Variants in PABPC1L2B observed in about 807,000 individuals in gnomAD.
PABPC1L2B encodes poly(A) binding protein cytoplasmic 1 like 2B.
For missense variants in PABPC1L2B, 5 were observed against 16.4 expected, an observed-to-expected ratio of 0.30 and a Z score of 1.20; for synonymous variants, 7 against 7.1, an observed-to-expected ratio of 0.99 and a Z score of 0.02.
In PABPC1L2B at chrX:73,005,280, CGTGTGTGCATGCGTGT is replaced by C. The variant is rs1313586897; in HGVS notation, c.*1042_*1057del. 1.6e-5 allele frequency: 2 copies of C among 121,909 alleles called. No homozygotes were observed. The highest frequency in any genetic ancestry group is 9.7e-5 in the Admixed American group (1 of 10,341). The allele number at this position is 121,909 out of a possible 1,213,427, so 10.0% of individuals were successfully genotyped here. A position where few individuals can be genotyped will look rare whatever the true frequency, so the allele number is the denominator to read the frequency against. ...AATTGATCGTGTGTGTGCGTGCGTG[CGTGTGTGCATGCGTGT>C]GTGTGTCTTTGTGTGTGTGTCTTGG... On this transcript the variant is annotated 3_prime_UTR_variant, in exon 1 of 1. Transcript: ENST00000373521.
At position 73,003,731 on chromosome X, in the gene PABPC1L2B, CCA is replaced by C; in HGVS notation, c.90_91del (p.Ile31ProfsTer35). 1 of 250,513 alleles carries C rather than the reference CCA, an allele frequency of 4.0e-6. No homozygotes were observed. The highest frequency in any genetic ancestry group is 5.8e-6 in the Non-Finnish European group (1 of 171,267). 20.6% of individuals were successfully genotyped at this position (250,513 alleles called of 1,213,427 possible). On this transcript the variant is annotated frameshift_variant, in exon 1 of 1. Coordinates refer to ENST00000373521, the MANE Select transcript of PABPC1L2B (RefSeq NM_001042506.2). LOFTEE classifies it high-confidence loss of function. ...TTCAGTCCAGCTGGGCCCATCCTCT[CCA>C]TCCGCATCTGCAGGGACAAGATCAC... is the stretch of plus-strand genomic sequence containing the variant.
rs1455183238 is a variant in PABPC1L2B at position 73,005,289 on chromosome X, A to C, written c.*1044A>C. On this transcript the variant is annotated 3_prime_UTR_variant, in exon 1 of 1. Coordinates refer to ENST00000373521, the MANE Select transcript of PABPC1L2B (RefSeq NM_001042506.2). ...TGTGTGTGCGTGCGTGCGTGTGTGC[A>C]TGCGTGTGTGTGTCTTTGTGTGTGT... is the stretch of plus-strand genomic sequence containing the variant. 4 of 122,048 alleles carry C rather than the reference A, an allele frequency of 3.3e-5. No homozygotes were observed. Among genetic ancestry groups the C allele is most frequent in the Middle Eastern group, 4.6e-3 (1 of 219 alleles). 10.1% of individuals were successfully genotyped at this position (122,048 alleles called of 1,213,427 possible).
chrX:73,005,600 A>T lies in PABPC1L2B; in HGVS notation c.*1355A>T, dbSNP rs1336803684. On this transcript the variant is annotated 3_prime_UTR_variant, in exon 1 of 1. Transcript: ENST00000373521. ...TATTTTTCATGTGATATATATGTGA[A>T]ATTATTGTATATACTGTTTCAATAT... The T allele has an allele frequency of 8.1e-6, 1 of 123,060 alleles. No individual in the cohort carries two copies. Among genetic ancestry groups the T allele is most frequent in the Admixed American group, 9.6e-5 (1 of 10,470 alleles). The allele number at this position is 123,060 out of a possible 1,213,427, so 10.1% of individuals were successfully genotyped here.
rs2055184501 is a variant in PABPC1L2B, at chrX:73,005,584, T to G, written c.*1339T>G. ...ATCTGTATCTGCCCTGTATTTTTCA[T>G]GTGATATATATGTGAAATTATTGTA... On this transcript the variant is annotated 3_prime_UTR_variant, in exon 1 of 1. Transcript: ENST00000373521. The G allele has an allele frequency of 8.1e-6, 1 of 123,243 alleles. No individual in the cohort carries two copies. The highest frequency in any genetic ancestry group is 9.5e-5 in the Admixed American group (1 of 10,525). 10.2% of individuals were successfully genotyped at this position (123,243 alleles called of 1,213,427 possible). A position where few individuals can be genotyped will look rare whatever the true frequency, so the allele number is the denominator to read the frequency against.
chrX:73,005,806 GT>G lies in PABPC1L2B; in HGVS notation c.*1565del, dbSNP rs1294224805. The G allele has an allele frequency of 4.1e-5, 5 of 120,549 alleles. No individual in the cohort carries two copies. Among genetic ancestry groups the G allele is most frequent in the Non-Finnish European group, 9.4e-5 (5 of 53,193 alleles). The allele number at this position is 120,549 out of a possible 1,213,427, so 9.9% of individuals were successfully genotyped here. A position where few individuals can be genotyped will look rare whatever the true frequency, so the allele number is the denominator to read the frequency against. On this transcript the variant is annotated 3_prime_UTR_variant, in exon 1 of 1. Transcript: ENST00000373521. ...TAGATATAGATATAGGGATATATTT[GT>G]TTTAAGTAGTTATTGGACGTCTGGG...
rs1264110170 is a variant in PABPC1L2B, at chrX:73,003,538, AAGGTGGCGGCCGAGGTGGCGGCCG to A, written c.-94_-71del. 1.3e-6 allele frequency: 1 copy of A among 751,820 alleles called. No homozygotes were observed. Among genetic ancestry groups the A allele is most frequent in the African/African-American group, 7.8e-5 (1 of 12,741 alleles). The allele number at this position is 751,820 out of a possible 1,213,427, so 62.0% of individuals were successfully genotyped here. A position where few individuals can be genotyped will look rare whatever the true frequency, so the allele number is the denominator to read the frequency against. On this transcript the variant is annotated 5_prime_UTR_variant, in exon 1 of 1. Transcript: ENST00000373521. The stretch of plus-strand genomic sequence containing the variant: ...GGATGCGGATGCGGATGCGAATGCG[AAGGTGGCGGCCGAGGTGGCGGCCG>A]AGGTGGCGGCTGCGGCGGCCGCCGC...
In PABPC1L2B at chrX:73,005,760, G is replaced by C. The variant is rs1300424725; in HGVS notation, c.*1515G>C. ...CTAATATGTGATTGGGCTTCATAGAGTGATAGATATATATACATATTAGAT... is the reference window on the plus strand; with the variant it reads ...CTAATATGTGATTGGGCTTCATAGACTGATAGATATATATACATATTAGAT... On this transcript the variant is annotated 3_prime_UTR_variant, in exon 1 of 1. Coordinates refer to ENST00000373521, the MANE Select transcript of PABPC1L2B (RefSeq NM_001042506.2). 2 of 122,141 alleles carry C rather than the reference G, an allele frequency of 1.6e-5. No individual in the cohort carries two copies. The highest frequency in any genetic ancestry group is 3.8e-5 in the Non-Finnish European group (2 of 53,093). The allele number at this position is 122,141 out of a possible 1,213,427, so 10.1% of individuals were successfully genotyped here.
chrX:73,005,832 G>T lies in PABPC1L2B; in HGVS notation c.*1587G>T. ...TTTTAAGTAGTTATTGGACGTCTGG[G>T]TTGTTTCATTTTGTTTTCTTATGCA... On this transcript the variant is annotated 3_prime_UTR_variant, in exon 1 of 1. Coordinates refer to ENST00000373521, the MANE Select transcript of PABPC1L2B (RefSeq NM_001042506.2). 1 of 120,532 alleles carries T rather than the reference G, an allele frequency of 8.3e-6. No homozygotes were observed. The allele number at this position is 120,532 out of a possible 1,213,427, so 9.9% of individuals were successfully genotyped here. A position where few individuals can be genotyped will look rare whatever the true frequency, so the allele number is the denominator to read the frequency against.
Position 73,004,560 on chromosome X carries a change from TTC to T in PABPC1L2B, c.*321_*322del, listed in dbSNP as rs2055177626. The T allele has an allele frequency of 9.7e-6, 4 of 413,443 alleles. No individual in the cohort carries two copies. Among genetic ancestry groups the T allele is most frequent in the East Asian group, 9.2e-5 (2 of 21,812 alleles). 34.1% of individuals were successfully genotyped at this position (413,443 alleles called of 1,213,427 possible). A position where few individuals can be genotyped will look rare whatever the true frequency, so the allele number is the denominator to read the frequency against. ...TGGTTTGGTTTAAAAAGCATTTTCA[TTC>T]TCTCTTTGTTTACTGCACAGGTGGT... On this transcript the variant is annotated 3_prime_UTR_variant, in exon 1 of 1. Coordinates refer to ENST00000373521, the MANE Select transcript of PABPC1L2B (RefSeq NM_001042506.2).
Position 73,003,587 on chromosome X carries a change from C to G in PABPC1L2B, c.-56C>G. The G allele has an allele frequency of 3.2e-6, 1 of 310,577 alleles. No homozygotes were observed. Among genetic ancestry groups the G allele is most frequent in the Non-Finnish European group, 4.8e-6 (1 of 209,098 alleles). 25.6% of individuals were successfully genotyped at this position (310,577 alleles called of 1,213,427 possible). ...GAGGTGGCGGCTGCGGCGGCCGCCG[C>G]GGATGCAGATGCGGATGAGACCCTC... is the stretch of plus-strand genomic sequence containing the variant. On this transcript the variant is annotated 5_prime_UTR_variant, in exon 1 of 1. Transcript: ENST00000373521.
rs2147907515 is a variant in PABPC1L2B, at chrX:73,005,725, GT to G, written c.*1483del. The G allele has an allele frequency of 8.2e-6, 1 of 122,656 alleles. No individual in the cohort carries two copies. Among genetic ancestry groups the G allele is most frequent in the Non-Finnish European group, 1.9e-5 (1 of 53,171 alleles). The allele number at this position is 122,656 out of a possible 1,213,427, so 10.1% of individuals were successfully genotyped here. The stretch of plus-strand genomic sequence containing the variant: ...TTCTTCTAAAATAGTTTTCATGGAT[GT>G]TTAGTGCTCTAATATGTGATTGGGC... On this transcript the variant is annotated 3_prime_UTR_variant, in exon 1 of 1. Transcript: ENST00000373521.
At position 73,006,029 on chromosome X, in the gene PABPC1L2B, A is replaced by G. The variant is rs1469476061; in HGVS notation, c.*1784A>G. ...AAAGATAGTACCAATTTACCCTCAT[A>G]AAATATGCAGATATTGTGAGTGTAC... On this transcript the variant is annotated 3_prime_UTR_variant, in exon 1 of 1. Transcript: ENST00000373521. 1.8e-5 allele frequency among the ~76,000 whole-genome samples: 2 copies of G among 111,907 alleles called. No individual in the cohort carries two copies. The highest frequency in any genetic ancestry group is 3.8e-5 in the Non-Finnish European group (2 of 53,131).
chrX:73,003,509 A>ATGCGGC lies in PABPC1L2B; in HGVS notation c.-129_-128insCTGCGG. The ATGCGGC allele has an allele frequency of 2.6e-6, 2 of 784,253 alleles. No homozygotes were observed. Among genetic ancestry groups the ATGCGGC allele is most frequent in the South Asian group, 6.5e-5 (2 of 30,581 alleles). The allele number at this position is 784,253 out of a possible 1,213,427, so 64.6% of individuals were successfully genotyped here. ...CCCCCCTTGGGGGAGGCGGAGGCGG[A>ATGCGGC]TGCGGATGCGGATGCGGATGCGAAT... On this transcript the variant is annotated 5_prime_UTR_variant, in exon 1 of 1. Coordinates refer to ENST00000373521, the MANE Select transcript of PABPC1L2B (RefSeq NM_001042506.2).
At position 73,005,255 on chromosome X, in the gene PABPC1L2B, A is replaced by G. The variant is rs1469386329; in HGVS notation, c.*1010A>G. Reference sequence around the variant, plus strand: ...CCCTGCATAGCCTCCTGGTCACTGTAATTGATCGTGTGTGTGCGTGCGTGC... The same window carrying G: ...CCCTGCATAGCCTCCTGGTCACTGTGATTGATCGTGTGTGTGCGTGCGTGC... On this transcript the variant is annotated 3_prime_UTR_variant, in exon 1 of 1. Transcript: ENST00000373521. The G allele has an allele frequency of 2.5e-5, 3 of 121,517 alleles. No homozygotes were observed. The highest frequency in any genetic ancestry group is 1.0e-4 in the African/African-American group (3 of 30,131). 10.0% of individuals were successfully genotyped at this position (121,517 alleles called of 1,213,427 possible).
At position 73,005,392 on chromosome X, in the gene PABPC1L2B, A is replaced by T. The variant is rs1326792072; in HGVS notation, c.*1147A>T. The T allele has an allele frequency of 8.2e-6, 1 of 121,310 alleles. No individual in the cohort carries two copies. Among genetic ancestry groups the T allele is most frequent in the African/African-American group, 3.3e-5 (1 of 30,136 alleles). The allele number at this position is 121,310 out of a possible 1,213,427, so 10.0% of individuals were successfully genotyped here. ...TTGCTGCAATCAAACACTGTTTATT[A>T]CCCCCTTCCCCTGTGCCCACTTCCT... On this transcript the variant is annotated 3_prime_UTR_variant, in exon 1 of 1. Coordinates refer to ENST00000373521, the MANE Select transcript of PABPC1L2B (RefSeq NM_001042506.2).
At position 73,005,391 on chromosome X, in the gene PABPC1L2B, T is replaced by G. The variant is rs139776847; in HGVS notation, c.*1146T>G. On this transcript the variant is annotated 3_prime_UTR_variant, in exon 1 of 1. Coordinates refer to ENST00000373521, the MANE Select transcript of PABPC1L2B (RefSeq NM_001042506.2). ...TTTGCTGCAATCAAACACTGTTTAT[T>G]ACCCCCTTCCCCTGTGCCCACTTCC... The G allele has an allele frequency of 5.4e-3, 665 of 122,691 alleles. 15 individuals are homozygous for G. In the East Asian group the frequency reaches 0.059, roughly 11 times the overall value. 10.1% of individuals were successfully genotyped at this position (122,691 alleles called of 1,213,427 possible).
rs781873798 is a variant in PABPC1L2B at position 73,005,892 on chromosome X, C to G, written c.*1647C>G. Reference sequence around the variant, plus strand: ...TGCCAACAAGATCACAGTGCACAAACATTACATTCATGTTTATTTCCTGAA... The same window carrying G: ...TGCCAACAAGATCACAGTGCACAAAGATTACATTCATGTTTATTTCCTGAA... On this transcript the variant is annotated 3_prime_UTR_variant, in exon 1 of 1. Transcript: ENST00000373521. Among the ~76,000 whole-genome samples, 11 of 111,780 alleles carry G rather than the reference C, an allele frequency of 9.8e-5. No homozygotes were observed. The highest frequency in any genetic ancestry group is 1.7e-4 in the Non-Finnish European group (9 of 53,150).
rs2055183945 is a variant in PABPC1L2B, at chrX:73,005,515, G to A, written c.*1270G>A. 2.4e-5 allele frequency: 3 copies of A among 122,960 alleles called. No homozygotes were observed. The Admixed American group carries it at 2.9e-4, about 12-fold the overall frequency. The allele number at this position is 122,960 out of a possible 1,213,427, so 10.1% of individuals were successfully genotyped here. A position where few individuals can be genotyped will look rare whatever the true frequency, so the allele number is the denominator to read the frequency against. ...TAACAGAAGAAAATTAATGTCACCA[G>A]TAATCATTTCTGATGATTACTTATA... On this transcript the variant is annotated 3_prime_UTR_variant, in exon 1 of 1. Transcript: ENST00000373521.
Position 73,004,908 on chromosome X carries a change from C to T in PABPC1L2B, c.*663C>T, listed in dbSNP as rs1556364396. 8.0e-5 allele frequency: 1 copy of T among 12,468 alleles called. No homozygotes were observed. The highest frequency in any genetic ancestry group is 1.6e-4 in the Non-Finnish European group (1 of 6,199). The allele number at this position is 12,468 out of a possible 1,213,427, so 1.0% of individuals were successfully genotyped here. A position where few individuals can be genotyped will look rare whatever the true frequency, so the allele number is the denominator to read the frequency against. On this transcript the variant is annotated 3_prime_UTR_variant, in exon 1 of 1. Coordinates refer to ENST00000373521, the MANE Select transcript of PABPC1L2B (RefSeq NM_001042506.2). Reference sequence around the variant, plus strand: ...GGCTTATGAAATGTCATCTTCAGTGCCTGCAGAGTGCTCCAGTGTATCCGT... The same window carrying T: ...GGCTTATGAAATGTCATCTTCAGTGTCTGCAGAGTGCTCCAGTGTATCCGT...
Sources: gnomAD v4.1 joint callset for allele counts (sites outside exome capture counted in the v4.1 genomes callset) on GRCh38, gnomAD v4.1.1 for gene constraint, MANE v1.5 for transcripts, NCBI Gene and HGNC (gene_info 2026-07-23, HGNC 2026-07-21) for gene names.